Variants in REV3L observed in about 807,000 individuals in gnomAD.
REV3L encodes the protein DNA polymerase zeta catalytic subunit.
Under a neutral mutation model 299.4 loss-of-function variants are expected in REV3L, and 69 were observed. That is an observed-to-expected ratio of 0.23 (90% CI 0.19 to 0.28). The LOEUF is 0.28. REV3L is among the 10% of genes least tolerant of loss of function. The pLI is 1.00. For missense variants in REV3L, 3,128 were observed against 3,693.8 expected (o/e 0.85, Z 3.97); for synonymous variants, 1,238 against 1,271.4 (o/e 0.97, Z 0.56).
chr6:111,409,536 A>T lies in REV3L; in HGVS notation c.404+1944T>A, dbSNP rs9487628. Among the ~76,000 whole-genome samples, 554 of 152,316 alleles carry T rather than the reference A, an allele frequency of 3.6e-3. 3 individuals are homozygous for T. The highest frequency in any genetic ancestry group is 0.013 in the African/African-American group (535 of 41,566). On this transcript the variant is annotated intron_variant, in intron 3 of 31. Coordinates refer to ENST00000368802, the MANE Select transcript of REV3L (RefSeq NM_001372078.1). ...AAAGATCTTAGTATTTTAGTATAAT[A>T]AAGAGAATTCTGACCATACAAATCC...
In REV3L at chr6:111,301,064, C is replaced by G. The variant is rs553566979; in HGVS notation, c.9253-908G>C. Among the ~76,000 whole-genome samples the G allele has an allele frequency of 9.9e-5, 15 of 152,266 alleles. 1 individual carries two copies. The South Asian group carries it at 2.9e-3, about 29-fold the overall frequency. ...ATAACCCCGGGAAAACGAATGCATT[C>G]TCAGGGGTAGGTCTCTAAAATGGCC... On this transcript the variant is annotated intron_variant, in intron 31 of 31. Transcript: ENST00000368802.
At chr6:111,451,998 TA>T (rs1476600981) in intron 1 of REV3L, among the ~76,000 whole-genome samples, 1 of 152,060 alleles carries the variant, frequency 6.6e-6, no homozygotes, top group African/African-American at 2.4e-5. Context: ...CCAGAATGAA[TA>T]AAGAACCCTT....
At chr6:111,403,475 C>G (rs962022782) in intron 4 of REV3L, among the ~76,000 whole-genome samples, 4 of 150,614 alleles carry the variant, frequency 2.7e-5, no homozygotes, top group Non-Finnish European at 6.0e-5. Context: ...CATTTTGTGT[C>G]TCTCTGTCAC....
chr6:111,442,112 T>C (rs1788334031), intron 1 of REV3L, among the ~76,000 whole-genome samples: 1 of 152,192 alleles, frequency 6.6e-6, no homozygotes, highest in Non-Finnish European at 1.5e-5. Context: ...TTGTAAACAA[T>C]GTGTATTCTG....
At chr6:111,312,139 G>A (rs1180878286) in intron 28 of REV3L, 1 of 152,150 alleles carries the variant, frequency 6.6e-6, no homozygotes, top group Non-Finnish European at 1.5e-5. Flanking sequence ...AAAGCTCTGT[G>A]TCTTATTCTG....
intron 9 of REV3L, among the ~76,000 whole-genome samples, chr6:111,382,418 GAA>G (rs1254934932): frequency 2.0e-5 from 3 of 152,194 alleles, no homozygotes; most frequent in African/African-American, 7.2e-5. Flanking sequence ...AGAACAGAGT[GAA>G]TATGGGACTT....
chr6:111,430,462 C>G, intron 1 of REV3L: 1 of 1,541,966 alleles, frequency 6.5e-7, no homozygotes, highest in African/African-American at 1.4e-5. Flanking sequence ...TACAATAAAC[C>G]AGAGACCATT....
At chr6:111,431,800 A>C (rs778359972) in intron 1 of REV3L, 1 of 691,832 alleles carries the variant, frequency 1.4e-6, no homozygotes, top group Non-Finnish European at 2.7e-6. Context: ...CCTGTATTTG[A>C]TTATATATTA....
Position 111,333,371 on chromosome 6 carries a change from C to G in REV3L, c.7681-4G>C, listed in dbSNP as rs369494919. On this transcript the variant is annotated splice_region_variant and splice_polypyrimidine_tract_variant and intron_variant, in intron 22 of 31. Transcript: ENST00000368802. ...ACATCATTGATTCCACACGGTACTG[C>G]AGGGAGAAAGGGAGGTGAGAAGAGA... 2 of 1,612,722 alleles carry G rather than the reference C, an allele frequency of 1.2e-6. No individual in the cohort carries two copies. Among genetic ancestry groups the G allele is most frequent in the Admixed American group, 1.7e-5 (1 of 59,964 alleles).
At chr6:111,472,256 C>A (rs1007876945) in intron 1 of REV3L, 38 of 421,844 alleles carry the variant, frequency 9.0e-5, no homozygotes, top group South Asian at 1.5e-4. Context: ...CAAAGTCTTT[C>A]ATTTCACCAT....
At chr6:111,369,866 C>A (rs1282400074) in intron 13 of REV3L, among the ~76,000 whole-genome samples, 1 of 148,434 alleles carries the variant, frequency 6.7e-6, no homozygotes, top group Non-Finnish European at 1.5e-5. Flanking sequence ...TTGAGACAGT[C>A]TTGCTGTGTC....
chr6:111,316,907 TATACTC>T (rs1438987655), intron 26 of REV3L, among the ~76,000 whole-genome samples: 2 of 152,254 alleles, frequency 1.3e-5, no homozygotes, highest in East Asian at 3.9e-4. Flanking sequence ...CAATATAAAA[TATACTC>T]AAAATACCAA....
chr6:111,441,514 G>A (rs1201771081), intron 1 of REV3L, among the ~76,000 whole-genome samples: 1 of 152,106 alleles, frequency 6.6e-6, no homozygotes, highest in Admixed American at 6.6e-5. Context: ...GCTTCCCAAA[G>A]TGCTGAGATT....
intron 16 of REV3L, among the ~76,000 whole-genome samples, chr6:111,360,880 G>A (rs938331020): frequency 6.6e-6 from 1 of 151,418 alleles, no homozygotes; most frequent in Non-Finnish European, 1.5e-5. Flanking sequence ...ATATACTGCT[G>A]TTTCTACTTT....
At chr6:111,346,534 T>C (rs1228635654) in intron 20 of REV3L, among the ~76,000 whole-genome samples, 1 of 152,194 alleles carries the variant, frequency 6.6e-6, no homozygotes, top group Non-Finnish European at 1.5e-5. Context: ...TCTCAGGCTA[T>C]TCACAGGCAT....
Position 111,373,042 on chromosome 6 carries a change from TAGAC to T in REV3L, c.5309_5312del (p.Cys1770Ter). On this transcript the variant is annotated frameshift_variant, in exon 13 of 32. Coordinates refer to ENST00000368802, the MANE Select transcript of REV3L (RefSeq NM_001372078.1). LOFTEE classifies it high-confidence loss of function. ...TCCTATTCAATCTAGATTTTTCACT[TAGAC>T]AGTCTTCTGCCTGCTGAACACAGAA... 1 of 1,614,146 alleles carries T rather than the reference TAGAC, an allele frequency of 6.2e-7. No homozygotes were observed. The highest frequency in any genetic ancestry group is 8.5e-7 in the Non-Finnish European group (1 of 1,180,008).
At chr6:111,390,314 C>T in intron 5 of REV3L, 134 bp from the exon 6 acceptor site, 1 of 603,614 alleles carries the variant, frequency 1.7e-6, no homozygotes, top group Non-Finnish European at 3.0e-6. Context: ...ATTATTCTGA[C>T]AAAATTGATA....
intron 28 of REV3L, 25 bp downstream of exon 28, chr6:111,313,327 T>TGAA (rs781430874): frequency 2.0e-5 from 31 of 1,588,706 alleles, no homozygotes; most frequent in Non-Finnish European, 2.5e-5. Flanking sequence ...TTCTTACAGA[T>TGAA]GAAGACAAGA....
Position 111,402,964 on chromosome 6 carries a change from G to T in REV3L, c.565+2506C>A, listed in dbSNP as rs571404570. Reference sequence around the variant, plus strand: ...GCTACACAAAAATTCATAAATGGATGTTCACAGCAGCATTGTTCATAATAG... The same window carrying T: ...GCTACACAAAAATTCATAAATGGATTTTCACAGCAGCATTGTTCATAATAG... On this transcript the variant is annotated intron_variant, in intron 4 of 31. Transcript: ENST00000368802. Among the ~76,000 whole-genome samples the T allele has an allele frequency of 5.3e-5, 8 of 152,264 alleles. No individual in the cohort carries two copies. The South Asian group carries it at 1.7e-3, about 32-fold the overall frequency.
Sources: allele counts gnomAD v4.1 joint callset (sites outside exome capture counted in the v4.1 genomes callset), GRCh38; gene constraint gnomAD v4.1.1; transcripts MANE v1.5; gene names NCBI Gene and HGNC (gene_info 2026-07-23, HGNC 2026-07-21).